The following ZNF33B variants were observed in gnomAD, a reference collection of about 807,000 sequenced individuals.
The protein encoded by ZNF33B is zinc finger protein 11b (KOX 2).
In ZNF33B, 29 loss-of-function variants were observed where a neutral mutation model predicts 45.8. The ratio of observed to expected loss-of-function variants is 0.63; its 90% CI spans 0.47 to 0.86. The LOEUF (loss-of-function observed/expected upper bound fraction) is 0.86. ZNF33B is among the 40% of genes least tolerant of loss of function. The pLI, the probability that ZNF33B is intolerant of heterozygous loss-of-function variation, is 0.00. For synonymous variants in ZNF33B, 305 were observed against 307.8 expected (o/e 0.99, Z 0.10); for missense variants, 831 against 909.9 (o/e 0.91, Z 1.12).
chr10:42,583,353 C>CA, intron 1 of ZNF33B: 1 of 386,618 alleles, frequency 2.6e-6, no homozygotes, highest in East Asian at 5.6e-5. Flanking sequence ...GCAAAACAAA[C>CA]AGGCATTCCA....
intron 1 of ZNF33B, chr10:42,582,878 CTT>C (rs1836853461): frequency 4.8e-6 from 2 of 420,846 alleles, no homozygotes; most frequent in South Asian, 5.0e-5. Context: ...CAGTGCATCT[CTT>C]TGAAGTAGAA....
At position 42,591,368 on chromosome 10, in the gene ZNF33B, A is replaced by G. The variant is rs555507409; in HGVS notation, c.*1245T>C. The G allele has an allele frequency of 2.6e-5, 10 of 391,870 alleles. No homozygotes were observed. Among genetic ancestry groups the G allele is most frequent in the Non-Finnish European group, 3.1e-5 (9 of 287,436 alleles). 24.3% of individuals were successfully genotyped at this position (391,870 alleles called of 1,614,324 possible). ...TCATGGCATGGGATGAGCCACAGGT[A>G]GTAAGAGAAAGGGAGTAACATGGAG... On this transcript the variant is annotated 3_prime_UTR_variant, in exon 5 of 5. Transcript: ENST00000359467.
At chr10:42,605,672 G>A (rs1837810828) in intron 4 of ZNF33B, among the ~76,000 whole-genome samples, 1 of 152,130 alleles carries the variant, frequency 6.6e-6, no homozygotes, top group Admixed American at 6.5e-5. Context: ...TAAAGGCAAT[G>A]ATACGAGAGA....
At chr10:42,615,817 C>T (rs1205533374) in intron 4 of ZNF33B, among the ~76,000 whole-genome samples, 4 of 151,920 alleles carry the variant, frequency 2.6e-5, no homozygotes, top group South Asian at 4.1e-4. Flanking sequence ...CCCAGCTACT[C>T]GGGAGGCTGT....
intron 4 of ZNF33B, among the ~76,000 whole-genome samples, chr10:42,616,834 T>G (rs913358526): frequency 6.6e-6 from 1 of 152,074 alleles, no homozygotes; most frequent in African/African-American, 2.4e-5. Context: ...TAGCTGGGAC[T>G]ACAGGTGCGC....
At chr10:42,620,329 T>C (rs530059337) in intron 4 of ZNF33B, among the ~76,000 whole-genome samples, 13 of 152,074 alleles carry the variant, frequency 8.5e-5, no homozygotes, top group Admixed American at 1.3e-4. Context: ...AAGTGTTTCC[T>C]TGTTGGTGAT....
At position 42,621,329 on chromosome 10, in the gene ZNF33B, TA is replaced by T. The variant is rs142897968; in HGVS notation, c.250+10599del. On this transcript the variant is annotated intron_variant, in intron 4 of 4. Coordinates refer to ENST00000359467, the MANE Select transcript of ZNF33B (RefSeq NM_006955.3). Reference sequence around the variant, plus strand: ...TCTGGGCAACAGAGTGAGACTCTTTTAAAAAAAAAATACAAATGCAAATGAA... The same window carrying T: ...TCTGGGCAACAGAGTGAGACTCTTTTAAAAAAAAATACAAATGCAAATGAA... Among the ~76,000 whole-genome samples the T allele has an allele frequency of 4.2e-4, 62 of 148,814 alleles. 1 individual carries two copies. The highest frequency in any genetic ancestry group is 8.9e-4 in the African/African-American group (36 of 40,588).
chr10:42,616,388 G>A (rs1432683046), intron 4 of ZNF33B, among the ~76,000 whole-genome samples: 4 of 151,932 alleles, frequency 2.6e-5, no homozygotes, highest in African/African-American at 9.7e-5. Flanking sequence ...CCTGTTTTGT[G>A]GTGTATAAAT....
At chr10:42,622,921 G>A (rs1476642652) in intron 4 of ZNF33B, among the ~76,000 whole-genome samples, 2 of 152,210 alleles carry the variant, frequency 1.3e-5, no homozygotes, top group Admixed American at 6.5e-5. Flanking sequence ...GGAAAACTTT[G>A]GGTTTGGTGA....
intron 4 of ZNF33B, among the ~76,000 whole-genome samples, chr10:42,599,264 G>A (rs1194048996): frequency 6.6e-6 from 1 of 151,774 alleles, no homozygotes; most frequent in Non-Finnish European, 1.5e-5. Context: ...TGGTTTCACC[G>A]ATTTTCTCAA....
intron 4 of ZNF33B, among the ~76,000 whole-genome samples, chr10:42,619,420 G>A (rs569862146): frequency 4.4e-4 from 67 of 152,266 alleles, no homozygotes; most frequent in Non-Finnish European, 1.5e-4. Context: ...AAATGAAAGA[G>A]AAATGAAGAT....
At chr10:42,612,540 T>A (rs1838146132) in intron 4 of ZNF33B, among the ~76,000 whole-genome samples, 1 of 152,100 alleles carries the variant, frequency 6.6e-6, no homozygotes, top group African/African-American at 2.4e-5. Context: ...CCAGCCAGAT[T>A]AATTGATTTT....
intron 4 of ZNF33B, among the ~76,000 whole-genome samples, chr10:42,623,061 G>A (rs1838659615): frequency 6.6e-6 from 1 of 152,176 alleles, no homozygotes; most frequent in Admixed American, 6.5e-5. Context: ...GAGGTCAGGA[G>A]TTCAAGACAA....
At position 42,594,220 on chromosome 10, in the gene ZNF33B, C is replaced by A. The variant is rs1257412736; in HGVS notation, c.730G>T (p.Glu244Ter). Residue 244 changes from glutamate to a stop codon, truncating the protein, a stop_gained, in exon 5 of 5, where the codon GAG (glutamate) becomes TAG (stop). Transcript: ENST00000359467. LOFTEE classifies it low-confidence loss of function (END_TRUNC). ...AATTCATTATAGTCACAGTTATTCT[C>A]TTCTGCATTCTCTCTCTTCCGTGTA... ...FNTRKRENAE[E>*]NNCDYNEFGR... is the part of the protein sequence containing the mutation. 2 of 1,613,610 alleles carry A rather than the reference C, an allele frequency of 1.2e-6. No homozygotes were observed. Among genetic ancestry groups the A allele is most frequent in the East Asian group, 4.5e-5 (2 of 44,874 alleles).
chr10:42,600,082 A>C (rs1837557092), intron 4 of ZNF33B, among the ~76,000 whole-genome samples: 1 of 152,120 alleles, frequency 6.6e-6, no homozygotes, highest in African/African-American at 2.4e-5. Context: ...TTTTATATTT[A>C]TTAAGATTTG....
rs1391439971 is a variant in ZNF33B at position 42,594,317 on chromosome 10, C to G, written c.633G>C (p.Lys211Asn). ...CAAAATTGTGGTCTAAAGTTTGAATCTTCTCATGCTGCAAAGTGTTCTCAC... is the reference window on the plus strand; with the variant it reads ...CAAAATTGTGGTCTAAAGTTTGAATGTTCTCATGCTGCAAAGTGTTCTCAC... ...SHRENTLQHE[K>N]IQTLDHNFEY... Residue 211 changes from lysine to asparagine, a missense_variant, in exon 5 of 5, where the codon AAG (lysine) becomes AAC (asparagine). Lys to Asn is a moderately conservative substitution (Grantham distance 94). Coordinates refer to ENST00000359467, the MANE Select transcript of ZNF33B (RefSeq NM_006955.3). 1 of 1,613,850 alleles carries G rather than the reference C, an allele frequency of 6.2e-7. No homozygotes were observed. The highest frequency in any genetic ancestry group is 1.3e-5 in the African/African-American group (1 of 75,012).
chr10:42,635,360 C>A (rs945606023), intron 2 of ZNF33B, among the ~76,000 whole-genome samples: 1 of 151,896 alleles, frequency 6.6e-6, no homozygotes, highest in African/African-American at 2.4e-5. Flanking sequence ...AGTGAATGAG[C>A]AGGGAGGTGT....
chr10:42,636,815 G>C, intron 2 of ZNF33B, 105 bp downstream of exon 2: 2 of 1,518,870 alleles, frequency 1.3e-6, no homozygotes, highest in Non-Finnish European at 1.8e-6. Context: ...GCGACAGAGC[G>C]AGACTCCATG....
rs1288361166 is a variant in ZNF33B at position 42,632,336 on chromosome 10, C to G, written c.113G>C (p.Arg38Thr). ...GCTGTAGTTCTCCAGCATCACATCT[C>G]TATACAGAGCCCTCTGACTAGGGTC... Reference protein sequence around the residue: ...HLDPSQRALYRDVMLENYSNL... With the variant: ...HLDPSQRALYTDVMLENYSNL... Residue 38 changes from arginine (R) to threonine (T), a missense_variant, in exon 3 of 5, where the codon AGA becomes ACA. Coordinates refer to ENST00000359467, the MANE Select transcript of ZNF33B (RefSeq NM_006955.3). 2 of 1,612,720 alleles carry G rather than the reference C, an allele frequency of 1.2e-6. No individual in the cohort carries two copies. Among genetic ancestry groups the G allele is most frequent in the East Asian group, 2.2e-5 (1 of 44,862 alleles).
Sources: gnomAD v4.1 joint callset for allele counts (sites outside exome capture counted in the v4.1 genomes callset) on GRCh38, gnomAD v4.1.1 for gene constraint, MANE v1.5 for transcripts, NCBI Gene and HGNC (gene_info 2026-07-23, HGNC 2026-07-21) for gene names.